SPECC1: variants seen among roughly 807,000 people sequenced by gnomAD.
The protein encoded by SPECC1 is sperm antigen with calponin homology and coiled-coil domains 1, also known as cytospin-B.
Under a neutral mutation model 104.1 loss-of-function variants are expected in SPECC1, and 62 were observed. That is an observed-to-expected ratio of 0.60 (90% CI 0.49 to 0.74). The LOEUF (loss-of-function observed/expected upper bound fraction) is 0.74. SPECC1 is among the 30% of genes least tolerant of loss of function. The pLI is 0.00. For synonymous variants in SPECC1, 513 were observed against 501.6 expected (o/e 1.02, Z -0.30); for missense variants, 1,306 against 1,310.5 (o/e 1.00, Z 0.05).
rs1313538193 is a variant in SPECC1, at chr17:20,217,277, G to T, written c.1864-10136G>T. Reference sequence around the variant, plus strand: ...CAGTTTTTTTATTGTGTGTGTGTGTGTGTGTTTTTTTTTTCTTGTAAATAG... The same window carrying T: ...CAGTTTTTTTATTGTGTGTGTGTGTTTGTGTTTTTTTTTTCTTGTAAATAG... On this transcript the variant is annotated intron_variant, in intron 4 of 14. Coordinates refer to ENST00000395527, the MANE Select transcript of SPECC1 (RefSeq NM_001243439.2). Among the ~76,000 whole-genome samples, 541 of 144,416 alleles carry T rather than the reference G, an allele frequency of 3.7e-3. 1 individual carries two copies. The highest frequency in any genetic ancestry group is 0.011 in the Middle Eastern group (3 of 282). The allele number at this position is 144,416 out of a possible 152,430, so 94.7% of individuals were successfully genotyped here. A position where few individuals can be genotyped will look rare whatever the true frequency, so the allele number is the denominator to read the frequency against.
At chr17:20,076,580 A>C (rs1177275443) in intron 1 of SPECC1, among the ~76,000 whole-genome samples, 1 of 152,196 alleles carries the variant, frequency 6.6e-6, no homozygotes, top group African/African-American at 2.4e-5. Flanking sequence ...CCTGTTTTTT[A>C]AAATTAGGTT....
intron 7 of SPECC1, among the ~76,000 whole-genome samples, chr17:20,235,735 C>A (rs1303716929): frequency 1.3e-5 from 2 of 152,192 alleles, no homozygotes; most frequent in African/African-American, 4.8e-5. Flanking sequence ...CAATAAACAT[C>A]CATGGAAAAC....
At chr17:20,267,068 C>T (rs2040241136) in intron 12 of SPECC1, among the ~76,000 whole-genome samples, 1 of 152,104 alleles carries the variant, frequency 6.6e-6, no homozygotes, top group Non-Finnish European at 1.5e-5. Context: ...GGATTGAGAC[C>T]CAGTGAAAGG....
Position 20,027,752 on chromosome 17 carries a change from T to G in SPECC1, c.-22+18328T>G, listed in dbSNP as rs2044651423. 1.3e-5 allele frequency among the ~76,000 whole-genome samples: 2 copies of G among 152,198 alleles called. 1 individual carries two copies. Among genetic ancestry groups the G allele is most frequent in the South Asian group, 4.1e-4 (2 of 4,830 alleles). On this transcript the variant is annotated intron_variant, in intron 1 of 14. Transcript: ENST00000395527. ...TGGGTTCTTTATTCTGTTCCATTGG[T>G]CTATGTGTCTGTTTTTCTACTAGTA... is the stretch of plus-strand genomic sequence containing the variant.
chr17:20,056,136 C>T (rs2045955359), intron 1 of SPECC1, among the ~76,000 whole-genome samples: 1 of 152,216 alleles, frequency 6.6e-6, no homozygotes, highest in Non-Finnish European at 1.5e-5. Context: ...ATACTTAGTT[C>T]TTCCAGTGGA....
intron 1 of SPECC1, among the ~76,000 whole-genome samples, chr17:20,012,960 C>T (rs2043993163): frequency 6.6e-6 from 1 of 152,124 alleles, no homozygotes; most frequent in Non-Finnish European, 1.5e-5. Context: ...TAGTATTTGT[C>T]TTTTTATAAC....
intron 3 of SPECC1, among the ~76,000 whole-genome samples, chr17:20,194,823 G>T (rs570758996): frequency 2.6e-4 from 39 of 152,042 alleles, no homozygotes; most frequent in African/African-American, 7.7e-4. Context: ...GATTCTTATT[G>T]CACCTTTGCA....
intron 3 of SPECC1, among the ~76,000 whole-genome samples, chr17:20,127,437 C>CTTTTTT (rs369424296): frequency 5.7e-5 from 6 of 104,482 alleles, no homozygotes; most frequent in Admixed American, 1.1e-4. Flanking sequence ...ATCAGGTCAT[C>CTTTTTT]TTTTTTTTTT....
At chr17:20,053,554 G>T (rs949717889) in intron 1 of SPECC1, among the ~76,000 whole-genome samples, 1 of 152,200 alleles carries the variant, frequency 6.6e-6, no homozygotes, top group Non-Finnish European at 1.5e-5. Flanking sequence ...GAACACTGTG[G>T]CTTCCTCCTT....
chr17:20,022,844 A>T (rs539365586), intron 1 of SPECC1, among the ~76,000 whole-genome samples: 2 of 152,338 alleles, frequency 1.3e-5, no homozygotes, highest in South Asian at 4.1e-4. Context: ...GGACATGGTT[A>T]TGGAGTGGGT....
intron 13 of SPECC1, among the ~76,000 whole-genome samples, chr17:20,300,712 C>T (rs2041549460): frequency 6.6e-6 from 1 of 152,382 alleles, no homozygotes; most frequent in South Asian, 2.1e-4. Flanking sequence ...AGGCCTCCCG[C>T]AGCCGTGGCA....
At chr17:20,077,939 A>G (rs578086764) in intron 1 of SPECC1, among the ~76,000 whole-genome samples, 1 of 152,166 alleles carries the variant, frequency 6.6e-6, no homozygotes, top group African/African-American at 2.4e-5. Flanking sequence ...TTTCTATTCC[A>G]TAGGGTTGTT....
At chr17:20,100,656 T>C (rs12449914) in intron 2 of SPECC1, among the ~76,000 whole-genome samples, 32,738 of 152,230 alleles carry the variant, frequency 0.22, 4,573 homozygotes, top group Middle Eastern at 0.35. Context: ...TATTATTTTT[T>C]TAAAATTTTA....
At chr17:20,136,876 T>G (rs905934275) in intron 3 of SPECC1, among the ~76,000 whole-genome samples, 2 of 152,188 alleles carry the variant, frequency 1.3e-5, no homozygotes, top group Non-Finnish European at 2.9e-5. Context: ...TCTCCGTGTT[T>G]GGGGTTTAAT....
intron 1 of SPECC1, among the ~76,000 whole-genome samples, chr17:20,093,727 T>G (rs2047509343): frequency 2.8e-5 from 1 of 36,224 alleles, no homozygotes; most frequent in East Asian, 3.0e-4. Flanking sequence ...TTTGTTTTTG[T>G]TTTTTGTTTT....
At chr17:20,267,211 A>G (rs1598111003) in intron 12 of SPECC1, among the ~76,000 whole-genome samples, 2 of 152,176 alleles carry the variant, frequency 1.3e-5, no homozygotes, top group African/African-American at 4.8e-5. Flanking sequence ...ACTCCTGGAA[A>G]GGCCCTCTAA....
chr17:20,302,848 G>A (rs1039551492), intron 13 of SPECC1, among the ~76,000 whole-genome samples: 8 of 133,982 alleles, frequency 6.0e-5, no homozygotes, highest in African/African-American at 2.3e-4. Context: ...CTTGAGCCCA[G>A]GATTTTGAGG....
intron 3 of SPECC1, among the ~76,000 whole-genome samples, chr17:20,120,106 T>G (rs1254827205): frequency 1.3e-5 from 2 of 152,208 alleles, no homozygotes; most frequent in African/African-American, 4.8e-5. Flanking sequence ...ATCTCAGTAC[T>G]GCCGGGTGGG....
rs1214371429 is a variant in SPECC1, at chr17:20,132,751, A to ATTTG, written c.283+22192_283+22195dup. Among the ~76,000 whole-genome samples the ATTTG allele has an allele frequency of 2.2e-5, 3 of 135,514 alleles. No homozygotes were observed. The East Asian group carries it at 5.9e-4, about 27-fold the overall frequency. The allele number at this position is 135,514 out of a possible 152,430, so 88.9% of individuals were successfully genotyped here. A position where few individuals can be genotyped will look rare whatever the true frequency, so the allele number is the denominator to read the frequency against. On this transcript the variant is annotated intron_variant, in intron 3 of 14. Transcript: ENST00000395527. ...TATTTATTTATTTATTTATTTATTT[A>ATTTG]TTTGTTGAGATGGAGTCTCGCTCTG...
Sources: gnomAD v4.1 joint callset for allele counts (sites outside exome capture counted in the v4.1 genomes callset) on GRCh38, gnomAD v4.1.1 for gene constraint, MANE v1.5 for transcripts, NCBI Gene and HGNC (gene_info 2026-07-23, HGNC 2026-07-21) for gene names.